Variants in CRACD observed in about 807,000 individuals in gnomAD.
CRACD encodes the protein capping protein-inhibiting regulator of actin dynamics.
Under a neutral mutation model 106.8 loss-of-function variants are expected in CRACD, and 56 were observed. The observed-to-expected ratio is 0.52, with a 90% confidence interval of 0.42 to 0.66. The LOEUF is 0.66. CRACD is among the 30% of genes least tolerant of loss of function. The probability of loss-of-function intolerance (pLI) is 0.00; values close to 1 mark genes in which losing one functional copy is unlikely to be tolerated. For synonymous variants in CRACD, 754 were observed against 670.8 expected (o/e 1.12, Z -1.92); for missense variants, 1,730 against 1,623.2 (o/e 1.07, Z -1.13).
intron 1 of CRACD, among the ~76,000 whole-genome samples, chr4:56,110,946 G>A (rs1195016004): frequency 1.3e-5 from 2 of 152,090 alleles, no homozygotes; most frequent in African/African-American, 2.4e-5. Context: ...GAAGATAATC[G>A]GTGTTGCATA....
intron 1 of CRACD, among the ~76,000 whole-genome samples, chr4:56,079,029 G>A (rs1027111877): frequency 3.9e-5 from 6 of 152,180 alleles, no homozygotes; most frequent in African/African-American, 9.6e-5. Context: ...TCCAGAGAAC[G>A]GAGCAAGAAG....
chr4:56,081,278 G>A (rs958501306), intron 1 of CRACD, among the ~76,000 whole-genome samples: 3 of 152,088 alleles, frequency 2.0e-5, no homozygotes, highest in South Asian at 4.1e-4. Flanking sequence ...TTAACCATCC[G>A]GGCAGCTGTA....
intron 1 of CRACD, among the ~76,000 whole-genome samples, chr4:56,105,562 TA>T (rs1733924434): frequency 6.6e-6 from 1 of 152,312 alleles, no homozygotes; most frequent in South Asian, 2.1e-4. Context: ...TGAGGTTTCA[TA>T]AGTGAGTTTA....
At chr4:56,090,766 T>G (rs1447002898) in intron 1 of CRACD, among the ~76,000 whole-genome samples, 1 of 152,118 alleles carries the variant, frequency 6.6e-6, no homozygotes, top group Non-Finnish European at 1.5e-5. Context: ...AACAGCAGTG[T>G]GAAAGTGTTG....
chr4:56,076,511 T>C (rs1242112340), intron 1 of CRACD, among the ~76,000 whole-genome samples: 2 of 152,212 alleles, frequency 1.3e-5, no homozygotes, highest in Non-Finnish European at 2.9e-5. Flanking sequence ...TGCAAAAGAA[T>C]TTACCCTTCC....
At chr4:56,317,693 G>A (rs1162081982) in intron 8 of CRACD, among the ~76,000 whole-genome samples, 1 of 152,058 alleles carries the variant, frequency 6.6e-6, no homozygotes, top group African/African-American at 2.4e-5. Flanking sequence ...TGGGATAATT[G>A]ACTGTCTCCA....
chr4:56,200,798 T>C (rs1737847535), intron 2 of CRACD, among the ~76,000 whole-genome samples: 1 of 152,208 alleles, frequency 6.6e-6, no homozygotes, highest in South Asian at 2.1e-4. Context: ...TTTTACTTTT[T>C]AAAATTCACT....
chr4:56,189,599 C>T (rs1737270186), intron 2 of CRACD, among the ~76,000 whole-genome samples: 1 of 134,302 alleles, frequency 7.4e-6, no homozygotes, highest in South Asian at 2.5e-4. Flanking sequence ...CTTCCTGCGT[C>T]CATGTGTTCT....
intron 8 of CRACD, among the ~76,000 whole-genome samples, chr4:56,318,832 A>T (rs1187086399): frequency 1.3e-5 from 2 of 152,230 alleles, no homozygotes; most frequent in Non-Finnish European, 2.9e-5. Flanking sequence ...TGTTGATTGT[A>T]TACATGTAGT....
intron 1 of CRACD, among the ~76,000 whole-genome samples, chr4:56,112,355 G>T (rs1734146908): frequency 6.6e-6 from 1 of 152,204 alleles, no homozygotes; most frequent in African/African-American, 2.4e-5. Context: ...TACAGGCAAA[G>T]TCGTAAATCA....
chr4:56,307,193 G>T (rs1744782727), intron 4 of CRACD, among the ~76,000 whole-genome samples: 1 of 152,050 alleles, frequency 6.6e-6, no homozygotes, highest in Non-Finnish European at 1.5e-5. Context: ...GAATTTATAG[G>T]TTAATGAAAA....
intron 3 of CRACD, among the ~76,000 whole-genome samples, chr4:56,292,415 GC>G: frequency 6.6e-6 from 1 of 152,282 alleles, no homozygotes; most frequent in East Asian, 1.9e-4. Flanking sequence ...TTTCTAACCA[GC>G]CATGAATTAG....
chr4:56,061,243 G>A (rs377194420), intron 1 of CRACD, among the ~76,000 whole-genome samples: 26 of 152,122 alleles, frequency 1.7e-4, no homozygotes, highest in African/African-American at 5.6e-4. Flanking sequence ...CAATCATGGC[G>A]CACGGCAGCC....
At chr4:56,176,259 A>G (rs1736579389) in intron 1 of CRACD, among the ~76,000 whole-genome samples, 1 of 152,006 alleles carries the variant, frequency 6.6e-6, no homozygotes, top group Non-Finnish European at 1.5e-5. Flanking sequence ...TTAGCTATTC[A>G]GGGTCTTTTG....
At chr4:56,073,158 C>T (rs1732723785) in intron 1 of CRACD, among the ~76,000 whole-genome samples, 1 of 152,298 alleles carries the variant, frequency 6.6e-6, no homozygotes, top group East Asian at 1.9e-4. Flanking sequence ...ATTTCTGGTT[C>T]TAGATCCTTG....
chr4:56,172,964 C>T (rs181518270), intron 1 of CRACD, among the ~76,000 whole-genome samples: 1,756 of 152,270 alleles, frequency 0.012, 16 homozygotes, highest in South Asian at 0.016. Flanking sequence ...CCATGTTGGT[C>T]AGGCTGGTCT....
chr4:56,245,495 C>T (rs545970032), intron 2 of CRACD, among the ~76,000 whole-genome samples: 113 of 152,298 alleles, frequency 7.4e-4, no homozygotes, highest in Middle Eastern at 3.4e-3. Flanking sequence ...GCCTTTGGTA[C>T]GTTCAGTTGT....
At chr4:56,153,258 G>A (rs535645242) in intron 1 of CRACD, among the ~76,000 whole-genome samples, 7 of 152,134 alleles carry the variant, frequency 4.6e-5, no homozygotes, top group South Asian at 2.1e-4. Context: ...CAGCCTGGGC[G>A]ACAGAGTGAG....
At chr4:56,163,428 G>C (rs963007008) in intron 1 of CRACD, among the ~76,000 whole-genome samples, 4 of 152,100 alleles carry the variant, frequency 2.6e-5, no homozygotes, top group Admixed American at 2.6e-4. Flanking sequence ...TGAAATTGAT[G>C]CTTGTCCTTT....
Sources: allele counts gnomAD v4.1 joint callset (sites outside exome capture counted in the v4.1 genomes callset), GRCh38; gene constraint gnomAD v4.1.1; transcripts MANE v1.5; gene names NCBI Gene and HGNC (gene_info 2026-07-23, HGNC 2026-07-21).